MAST4: variants seen among roughly 807,000 people sequenced by gnomAD.
The protein encoded by MAST4 is microtubule associated serine/threonine kinase family member 4.
In MAST4, 89 loss-of-function variants were observed where a neutral mutation model predicts 162.7. The ratio of observed to expected loss-of-function variants is 0.55; its 90% CI spans 0.46 to 0.65. The LOEUF is 0.65. Ranked by LOEUF, MAST4 falls within the 30% of genes least tolerant of loss-of-function variation. The pLI is 0.00. For missense variants in MAST4, 3,153 were observed against 3,374.0 expected (o/e 0.93, Z 1.62); for synonymous variants, 1,479 against 1,361.1 (o/e 1.09, Z -1.91).
intron 2 of MAST4, 63 bp from the exon 3 acceptor site, chr5:66,788,607 C>CCCAAAAAAAAA: frequency 7.3e-7 from 1 of 1,373,726 alleles, no homozygotes; most frequent in Non-Finnish European, 1.0e-6. Context: ...CCCCCACCCC[C>CCCAAAAAAAAA]ATTGCAATAA....
intron 4 of MAST4, among the ~76,000 whole-genome samples, chr5:67,026,037 A>G (rs547858312): frequency 1.3e-5 from 2 of 152,316 alleles, no homozygotes; most frequent in African/African-American, 4.8e-5. Context: ...GGAAAGTAAA[A>G]TCTTTGAAAT....
rs138082487 is a variant in MAST4 at position 66,857,666 on chromosome 5, G to A, written c.643-42285G>A. On this transcript the variant is annotated intron_variant, in intron 3 of 28. Transcript: ENST00000403625. ...TTGTGTATCTTTTTATATGTTTAGT[G>A]GTCATTTTGGGTTTCATCTATTCTA... Among the ~76,000 whole-genome samples, 33 of 152,112 alleles carry A rather than the reference G, an allele frequency of 2.2e-4. 1 individual carries two copies. The East Asian group carries it at 5.0e-3, about 23-fold the overall frequency.
chr5:67,143,001 T>C (rs1770598348), intron 21 of MAST4: 1 of 157,128 alleles, frequency 6.4e-6, no homozygotes, highest in Non-Finnish European at 1.4e-5. Flanking sequence ...CAACTCAGGA[T>C]GAAGAGCGCG....
chr5:67,103,440 C>T (rs913004680), intron 9 of MAST4, among the ~76,000 whole-genome samples: 3 of 152,160 alleles, frequency 2.0e-5, no homozygotes, highest in Non-Finnish European at 4.4e-5. Context: ...AGCTATTTAT[C>T]ACATGTCACT....
intron 1 of MAST4, among the ~76,000 whole-genome samples, chr5:66,648,035 TG>T (rs1235131715): frequency 5.3e-4 from 8 of 14,978 alleles, no homozygotes; most frequent in African/African-American, 1.2e-3. Flanking sequence ...TGTTAGGTAA[TG>T]TGTGTGTGTG....
At chr5:67,122,992 T>A (rs1767765040) in intron 14 of MAST4, among the ~76,000 whole-genome samples, 1 of 152,240 alleles carries the variant, frequency 6.6e-6, no homozygotes, top group South Asian at 2.1e-4. Context: ...ATTATATTTC[T>A]GATAGATTTT....
chr5:66,755,603 G>A (rs564117720), intron 1 of MAST4, among the ~76,000 whole-genome samples: 17 of 152,188 alleles, frequency 1.1e-4, no homozygotes, highest in South Asian at 4.2e-4. Context: ...TTAGATCGAG[G>A]CTTGTAAATG....
chr5:67,048,867 CTG>C (rs1757695453), intron 4 of MAST4, among the ~76,000 whole-genome samples: 1 of 150,756 alleles, frequency 6.6e-6, no homozygotes, highest in Non-Finnish European at 1.5e-5. Context: ...TAAAAGGTAA[CTG>C]TTAATTTCTT....
In MAST4 at chr5:67,155,821, G is replaced by A. The variant is rs573466881; in HGVS notation, c.3648+2241G>A. ...TCATACCCGTAATCCCAGCACTTTG[G>A]GAGGCCGAGGTGGGGCGATCACGAG... On this transcript the variant is annotated intron_variant, in intron 26 of 28. Coordinates refer to ENST00000403625, the MANE Select transcript of MAST4 (RefSeq NM_001164664.2). Among the ~76,000 whole-genome samples the A allele has an allele frequency of 8.5e-5, 13 of 152,202 alleles. No individual in the cohort carries two copies. In the South Asian group the frequency reaches 2.7e-3, roughly 32 times the overall value.
intron 3 of MAST4, chr5:66,828,653 C>T: frequency 1.4e-6 from 1 of 704,810 alleles, no homozygotes; most frequent in Non-Finnish European, 2.3e-6. Context: ...TCCCACCGAA[C>T]TGCAAGCATC....
rs760172045 is a variant in MAST4, at chr5:67,134,588, G to A, written c.2292G>A (p.Val764=). ...TGAGGCAGGGTTATGGAAAGCCGGT[G>A]GACTGGTGGGCCATGGGGATTATCC... ...VILRQGYGKP[V]DWWAMGIILY... The change falls in exon 18 of 29, where the codon GTG becomes GTA. Residue 764 remains valine, a synonymous_variant. Transcript: ENST00000403625. 6.2e-7 allele frequency: 1 copy of A among 1,613,590 alleles called. No individual in the cohort carries two copies. Among genetic ancestry groups the A allele is most frequent in the African/African-American group, 1.3e-5 (1 of 74,898 alleles).
intron 4 of MAST4, among the ~76,000 whole-genome samples, chr5:66,944,642 T>C (rs915999767): frequency 3.3e-5 from 5 of 152,128 alleles, no homozygotes; most frequent in Non-Finnish European, 7.4e-5. Context: ...CATAGACTTA[T>C]ACCTAGGTTC....
chr5:66,608,104 C>A (rs77062457), intron 1 of MAST4, among the ~76,000 whole-genome samples: 16,720 of 148,882 alleles, frequency 0.11, 1,650 homozygotes, highest in African/African-American at 0.26. Context: ...GTTGCCCACG[C>A]TGGAGTGCAG....
Position 66,648,081 on chromosome 5 carries a change from TGTGA to T in MAST4, c.363+51065_363+51068del, listed in dbSNP as rs1485531152. On this transcript the variant is annotated intron_variant, in intron 1 of 28. Transcript: ENST00000403625. ...GTGTGTGTGTGTGTGTGTGTGTGTG[TGTGA>T]GAGAGAGAGAGAGAGAGAGATTTAG... Among the ~76,000 whole-genome samples, 989 of 102,284 alleles carry T rather than the reference TGTGA, an allele frequency of 9.7e-3. 10 individuals are homozygous for T. The highest frequency in any genetic ancestry group is 0.013 in the Non-Finnish European group (671 of 51,686). The allele number at this position is 102,284 out of a possible 152,430, so 67.1% of individuals were successfully genotyped here.
intron 26 of MAST4, among the ~76,000 whole-genome samples, chr5:67,155,219 A>G (rs746892025): frequency 3.9e-5 from 6 of 152,214 alleles, no homozygotes; most frequent in South Asian, 2.1e-4. Flanking sequence ...TGGGAGCACT[A>G]TCTTCCATGC....
chr5:66,736,990 A>G (rs1192404959), intron 1 of MAST4, among the ~76,000 whole-genome samples: 1 of 152,266 alleles, frequency 6.6e-6, no homozygotes, highest in Non-Finnish European at 1.5e-5. Flanking sequence ...CTATGAACAC[A>G]TAATTTGTAT....
chr5:66,905,835 A>T (rs1763321295), intron 4 of MAST4, among the ~76,000 whole-genome samples: 1 of 152,182 alleles, frequency 6.6e-6, no homozygotes, highest in Admixed American at 6.5e-5. Context: ...ACCTGGAATC[A>T]GTAGAAAGGA....
intron 1 of MAST4, among the ~76,000 whole-genome samples, chr5:66,709,969 T>A (rs546320524): frequency 3.3e-5 from 5 of 152,338 alleles, no homozygotes; most frequent in African/African-American, 1.2e-4. Flanking sequence ...GCCAGTGTTT[T>A]CTAGTGGCCC....
At chr5:67,000,703 G>A (rs1053773089) in intron 4 of MAST4, among the ~76,000 whole-genome samples, 36 of 146,720 alleles carry the variant, frequency 2.5e-4, no homozygotes, top group Admixed American at 2.4e-3. Flanking sequence ...AGCCAAGATC[G>A]CGCCACTGCA....
Sources: allele counts gnomAD v4.1 joint callset (sites outside exome capture counted in the v4.1 genomes callset), GRCh38; gene constraint gnomAD v4.1.1; transcripts MANE v1.5; gene names NCBI Gene and HGNC (gene_info 2026-07-23, HGNC 2026-07-21).